The following ARF4 variants were observed in gnomAD, a reference collection of about 807,000 sequenced individuals.
ARF4 encodes ADP-ribosylation factor 4.
A neutral mutation model predicts 24.3 loss-of-function variants in ARF4; 5 were observed. The observed-to-expected ratio is 0.21, with a 90% CI of 0.11 to 0.43. The LOEUF is 0.43. Among genes scored for constraint, ARF4 ranks in the 20% least tolerant of loss-of-function variants. The pLI, the probability that ARF4 is intolerant of heterozygous loss-of-function variation, is 1.00. For missense variants in ARF4, 107 were observed against 213.0 expected (o/e 0.50, Z 3.10); for synonymous variants, 62 against 73.5 (o/e 0.84, Z 0.80).
rs550742451 is a variant in ARF4 at position 57,595,456 on chromosome 3, T to G, written c.67+1618A>C. 3.9e-5 allele frequency among the ~76,000 whole-genome samples: 6 copies of G among 152,324 alleles called. No homozygotes were observed. In the East Asian group the frequency reaches 1.2e-3, roughly 29 times the overall value. ...TATGCTTGCCCTCCTAAAATAATTCTGTCCTCTTGACAAAGGAAATCTAAG... is the reference window on the plus strand; with the variant it reads ...TATGCTTGCCCTCCTAAAATAATTCGGTCCTCTTGACAAAGGAAATCTAAG... On this transcript the variant is annotated intron_variant, in intron 1 of 5. Coordinates refer to ENST00000303436, the MANE Select transcript of ARF4 (RefSeq NM_001660.4).
At position 57,583,975 on chromosome 3, in the gene ARF4, T is replaced by C. The variant is rs2070006325; in HGVS notation, c.181A>G (p.Ile61Val). ...FNVETVEYKNICFTVWDVGGQ... is the reference protein window; with the variant it reads ...FNVETVEYKNVCFTVWDVGGQ... ...CCAACATCCCATACTGTGAAACAAA[T>C]GTTCTTATATTCTACTGTTTCCACA... Residue 61 changes from isoleucine to valine, a missense_variant, in exon 3 of 6, where the codon ATT (isoleucine) becomes GTT (valine). Physicochemically the swap from Ile to Val is conservative, Grantham distance 29. Transcript: ENST00000303436. The C allele has an allele frequency of 6.2e-7, 1 of 1,612,710 alleles. No individual in the cohort carries two copies. The highest frequency in any genetic ancestry group is 1.7e-5 in the Admixed American group (1 of 59,986).
intron 1 of ARF4, among the ~76,000 whole-genome samples, chr3:57,593,829 G>C (rs963562858): frequency 3.9e-5 from 6 of 152,094 alleles, no homozygotes; most frequent in Non-Finnish European, 8.8e-5. Flanking sequence ...TTCAGCCCAA[G>C]AACAGGCAAG....
intron 5 of ARF4, among the ~76,000 whole-genome samples, chr3:57,575,174 C>G (rs1347377000): frequency 6.6e-6 from 1 of 151,976 alleles, no homozygotes; most frequent in African/African-American, 2.4e-5. Context: ...TTAAAACAAG[C>G]AAACAAACAT....
At chr3:57,593,429 G>C (rs917702256) in intron 1 of ARF4, among the ~76,000 whole-genome samples, 8 of 152,040 alleles carry the variant, frequency 5.3e-5, no homozygotes, top group African/African-American at 9.7e-5. Context: ...TCTTTAGCTT[G>C]GTAATATTTT....
At chr3:57,580,257 T>C (rs2069953437) in intron 3 of ARF4, among the ~76,000 whole-genome samples, 1 of 152,174 alleles carries the variant, frequency 6.6e-6, no homozygotes, top group South Asian at 2.1e-4. Flanking sequence ...CTTCATAAGC[T>C]TGTTAAAGAT....
chr3:57,596,407 A>G (rs2070183177), intron 1 of ARF4, among the ~76,000 whole-genome samples: 1 of 152,224 alleles, frequency 6.6e-6, no homozygotes, highest in East Asian at 1.9e-4. Flanking sequence ...TTTTGAAAAT[A>G]GTCAAAGAAA....
chr3:57,588,354 C>A (rs2153409184), intron 1 of ARF4, among the ~76,000 whole-genome samples: 1 of 152,206 alleles, frequency 6.6e-6, no homozygotes, highest in South Asian at 2.1e-4. Context: ...CGCTTGAGCC[C>A]AGGAGTTTGA....
chr3:57,595,867 C>T (rs1002849975), intron 1 of ARF4, among the ~76,000 whole-genome samples: 1 of 151,958 alleles, frequency 6.6e-6, no homozygotes, highest in African/African-American at 2.4e-5. Flanking sequence ...AGGAGAATCT[C>T]TTGAACCCGG....
chr3:57,588,769 C>A (rs1273352780), intron 1 of ARF4, among the ~76,000 whole-genome samples: 2 of 144,472 alleles, frequency 1.4e-5, no homozygotes, highest in Non-Finnish European at 3.0e-5. Flanking sequence ...CCAGCCTGGA[C>A]AACATGGCAA....
chr3:57,587,586 A>AT (rs536870328), intron 1 of ARF4, among the ~76,000 whole-genome samples: 63 of 151,842 alleles, frequency 4.1e-4, no homozygotes, highest in Admixed American at 2.0e-3. Flanking sequence ...GTCCAAGCAG[A>AT]TTTTTTTTAA....
At chr3:57,596,168 C>A (rs1325690808) in intron 1 of ARF4, among the ~76,000 whole-genome samples, 1 of 151,828 alleles carries the variant, frequency 6.6e-6, no homozygotes, top group Non-Finnish European at 1.5e-5. Context: ...AAAACACGCC[C>A]CCTAAAAAGT....
At chr3:57,596,991 GAAA>G (rs57877028) in intron 1 of ARF4, 80 bp downstream of exon 1, 661,977 of 1,493,854 alleles carry the variant, frequency 0.44, 150,353 homozygotes, top group Middle Eastern at 0.59. Context: ...GCGGGCGGAG[GAAA>G]AAAACAGGCC....
chr3:57,595,691 G>A (rs2070172235), intron 1 of ARF4, among the ~76,000 whole-genome samples: 1 of 152,182 alleles, frequency 6.6e-6, no homozygotes, highest in South Asian at 2.1e-4. Flanking sequence ...GCTCACGCCT[G>A]TAATCCCAGC....
intron 3 of ARF4, 23 bp downstream of exon 3, chr3:57,583,875 T>C: frequency 1.3e-6 from 2 of 1,501,066 alleles, no homozygotes; most frequent in Non-Finnish European, 1.8e-6. Flanking sequence ...AGAAAAGTTA[T>C]AAAAACATAC....
intron 1 of ARF4, among the ~76,000 whole-genome samples, chr3:57,596,408 G>C (rs1268481088): frequency 6.6e-6 from 1 of 152,190 alleles, no homozygotes; most frequent in Non-Finnish European, 1.5e-5. Flanking sequence ...TTTGAAAATA[G>C]TCAAAGAAAT....
At chr3:57,572,453 C>T (rs1009920023) in intron 5 of ARF4, among the ~76,000 whole-genome samples, 155 bp from the exon 6 acceptor site, 2 of 152,180 alleles carry the variant, frequency 1.3e-5, no homozygotes, top group African/African-American at 4.8e-5. Flanking sequence ...GGCGTGGTGG[C>T]TCACACCTAT....
At chr3:57,586,983 A>G (rs143146619) in intron 1 of ARF4, among the ~76,000 whole-genome samples, 1 of 152,262 alleles carries the variant, frequency 6.6e-6, no homozygotes, top group East Asian at 1.9e-4. Flanking sequence ...GGTACCTGCC[A>G]GTTATCACCG....
chr3:57,579,175 A>C (rs935836532), intron 3 of ARF4, among the ~76,000 whole-genome samples: 1 of 126,820 alleles, frequency 7.9e-6, no homozygotes, highest in Non-Finnish European at 1.6e-5. Context: ...AATCCCAGCT[A>C]CTTGGCAGGC....
At chr3:57,577,226 T>C in intron 4 of ARF4, 90 bp downstream of exon 4, 1 of 1,062,494 alleles carries the variant, frequency 9.4e-7, no homozygotes, top group Non-Finnish European at 1.4e-6. Flanking sequence ...ATTTGTGTAA[T>C]CTAATCATAG....
Sources: gnomAD v4.1 joint callset for allele counts (sites outside exome capture counted in the v4.1 genomes callset) on GRCh38, gnomAD v4.1.1 for gene constraint, MANE v1.5 for transcripts, NCBI Gene and HGNC (gene_info 2026-07-23, HGNC 2026-07-21) for gene names.